Variants in JAKMIP1 observed in about 807,000 individuals in gnomAD.
JAKMIP1 encodes the protein janus kinase and microtubule-interacting protein 1.
Under a neutral mutation model 113.0 loss-of-function variants are expected in JAKMIP1, and 33 were observed. The observed-to-expected ratio is 0.29, with a 90% confidence interval of 0.22 to 0.39. The LOEUF is 0.39. JAKMIP1 is among the 10% of genes least tolerant of loss of function. JAKMIP1 has a pLI of 1.00. For synonymous variants in JAKMIP1, 480 were observed against 459.9 expected (o/e 1.04, Z -0.56); for missense variants, 813 against 1,080.5 (o/e 0.75, Z 3.47).
At chr4:6,128,096 C>A (rs540200975) in intron 1 of JAKMIP1, among the ~76,000 whole-genome samples, 1 of 152,350 alleles carries the variant, frequency 6.6e-6, no homozygotes, top group South Asian at 2.1e-4. Context: ...ACCACCTCCA[C>A]CTGCGGGTGA....
intron 1 of JAKMIP1, among the ~76,000 whole-genome samples, chr4:6,174,193 G>A (rs1383659410): frequency 6.6e-6 from 1 of 152,176 alleles, no homozygotes; most frequent in Non-Finnish European, 1.5e-5. Context: ...ATGATGATGT[G>A]AGGCCTTGAT....
intron 1 of JAKMIP1, among the ~76,000 whole-genome samples, chr4:6,147,716 G>A (rs774688327): frequency 1.3e-5 from 2 of 152,146 alleles, no homozygotes; most frequent in Non-Finnish European, 1.5e-5. Flanking sequence ...TTCTGTCTCC[G>A]CACCTGCCTC....
chr4:6,187,338 T>C lies in JAKMIP1; in HGVS notation c.-148+12915A>G, dbSNP rs765912502. 1.3e-5 allele frequency among the ~76,000 whole-genome samples: 2 copies of C among 152,262 alleles called. No individual in the cohort carries two copies. Among genetic ancestry groups the C allele is most frequent in the Admixed American group, 6.5e-5 (1 of 15,290 alleles). On this transcript the variant is annotated intron_variant, in intron 1 of 20. Transcript: ENST00000409021. This position sits in a 1 kb window ranked among gnomAD's most constrained non-coding sequence, Gnocchi z 4.2. ...TCTTATGGTTGCTATTTACCTGATA[T>C]ATTTTTTCTCATCCTTTCACTTTCA...
At chr4:6,161,921 C>T (rs1217078199) in intron 1 of JAKMIP1, among the ~76,000 whole-genome samples, 1 of 152,150 alleles carries the variant, frequency 6.6e-6, no homozygotes, top group African/African-American at 2.4e-5. Flanking sequence ...CTTGCTGGGA[C>T]ACCTGGGAGG....
intron 3 of JAKMIP1, among the ~76,000 whole-genome samples, chr4:6,098,532 GA>G (rs1712238083): frequency 1.8e-5 from 1 of 54,534 alleles, no homozygotes; most frequent in Non-Finnish European, 4.0e-5. Context: ...GAAAGAGAGA[GA>G]GAGAGAGAAA....
rs186543246 is a variant in JAKMIP1 at position 6,050,807 on chromosome 4, G to A, written c.1807-128C>T. The A allele has an allele frequency of 2.8e-5, 20 of 702,516 alleles. No homozygotes were observed. The highest frequency in any genetic ancestry group is 2.8e-4 in the Admixed American group (11 of 39,392). The allele number at this position is 702,516 out of a possible 1,614,324, so 43.5% of individuals were successfully genotyped here. A position where few individuals can be genotyped will look rare whatever the true frequency, so the allele number is the denominator to read the frequency against. ...AGACGTTACTAAAAAGCACGAGTTCGGACTAGAAGCAGCCTCGTCCGTGAG... is the reference window on the plus strand; with the variant it reads ...AGACGTTACTAAAAAGCACGAGTTCAGACTAGAAGCAGCCTCGTCCGTGAG... On this transcript the variant is annotated intron_variant, in intron 13 of 20. Transcript: ENST00000409021. This position sits in a 1 kb window ranked among gnomAD's most constrained non-coding sequence, Gnocchi z 7.4.
intron 2 of JAKMIP1, among the ~76,000 whole-genome samples, chr4:6,107,755 G>GT (rs1322061965): frequency 2.6e-5 from 4 of 151,204 alleles, no homozygotes; most frequent in African/African-American, 9.9e-5. Flanking sequence ...ACTCTGTGGG[G>GT]GGTGTGTGTG....
At chr4:6,165,741 C>T (rs1444771336) in intron 1 of JAKMIP1, among the ~76,000 whole-genome samples, 2 of 152,122 alleles carry the variant, frequency 1.3e-5, no homozygotes, top group Non-Finnish European at 2.9e-5. Flanking sequence ...CGCTTTATTG[C>T]AATATTTGCT....
intron 3 of JAKMIP1, among the ~76,000 whole-genome samples, chr4:6,091,239 T>TA (rs1426669728): frequency 3.8e-5 from 1 of 26,068 alleles, no homozygotes; most frequent in Admixed American, 6.6e-4. Flanking sequence ...CACAATGAGA[T>TA]ACCTGAATGG....
chr4:6,032,691 ACAAAACAAAG>A (rs1470197897), intron 19 of JAKMIP1, among the ~76,000 whole-genome samples: 2 of 97,914 alleles, frequency 2.0e-5, no homozygotes, highest in South Asian at 2.8e-4. Context: ...ACAAAACAAA[ACAAAACAAAG>A]CAAAACACAG....
chr4:6,123,664 TG>T (rs1189241676), intron 1 of JAKMIP1, among the ~76,000 whole-genome samples: 10 of 151,970 alleles, frequency 6.6e-5, no homozygotes, highest in African/African-American at 2.4e-4. Context: ...TACAAAAAAA[TG>T]TAAAAGTTAG....
At chr4:6,148,936 C>T (rs560286150) in intron 1 of JAKMIP1, among the ~76,000 whole-genome samples, 33 of 152,282 alleles carry the variant, frequency 2.2e-4, no homozygotes, top group Middle Eastern at 3.4e-3. Flanking sequence ...TGTGGTGAGA[C>T]GGGGAGGAGT....
At chr4:6,149,360 A>C (rs1440755709) in intron 1 of JAKMIP1, among the ~76,000 whole-genome samples, 1 of 152,146 alleles carries the variant, frequency 6.6e-6, no homozygotes, top group Non-Finnish European at 1.5e-5. Context: ...AGCGGAGAAG[A>C]ACTGCTTGGC....
chr4:6,029,012 G>A (rs1712231036), intron 20 of JAKMIP1, among the ~76,000 whole-genome samples: 1 of 152,206 alleles, frequency 6.6e-6, no homozygotes, highest in Admixed American at 6.5e-5. Flanking sequence ...AGAAGATGAA[G>A]GGCAATACCA....
intron 18 of JAKMIP1, among the ~76,000 whole-genome samples, chr4:6,036,954 C>T (rs1370332769): frequency 1.5e-5 from 2 of 131,748 alleles, no homozygotes; most frequent in Non-Finnish European, 3.2e-5. Context: ...ACCGGTATCC[C>T]TCCATCACCG....
At chr4:6,079,950 G>A (rs903335975) in intron 7 of JAKMIP1, among the ~76,000 whole-genome samples, 3 of 152,222 alleles carry the variant, frequency 2.0e-5, no homozygotes, top group African/African-American at 7.2e-5. Flanking sequence ...CATGGAAACT[G>A]TCCCCAAGTA....
In JAKMIP1 at chr4:6,179,485, C is replaced by G. The variant is rs1725775093; in HGVS notation, c.-148+20768G>C. Among the ~76,000 whole-genome samples the G allele has an allele frequency of 6.6e-6, 1 of 152,216 alleles. No homozygotes were observed. The highest frequency in any genetic ancestry group is 2.1e-4 in the South Asian group (1 of 4,830). ...TCCTTCCTCTACCTTCCTGACACCC[C>G]CTACAGGCACCGTCAAGGGACAACC... On this transcript the variant is annotated intron_variant, in intron 1 of 20. Transcript: ENST00000409021. The surrounding 1 kb of genome is among the most constrained non-coding windows in gnomAD (Gnocchi z 4.5).
chr4:6,048,769 C>G (rs1033968209), intron 16 of JAKMIP1, 88 bp downstream of exon 16: 1 of 1,128,664 alleles, frequency 8.9e-7, no homozygotes, highest in South Asian at 1.3e-5. Flanking sequence ...CATGCTCCCA[C>G]GCAAAGCAAG....
Position 6,180,916 on chromosome 4 carries a change from AT to A in JAKMIP1, c.-148+19336del, listed in dbSNP as rs1213013778. 2.0e-5 allele frequency among the ~76,000 whole-genome samples: 3 copies of A among 152,002 alleles called. No homozygotes were observed. The highest frequency in any genetic ancestry group is 2.1e-4 in the South Asian group (1 of 4,786). On this transcript the variant is annotated intron_variant, in intron 1 of 20. Transcript: ENST00000409021. The surrounding 1 kb of genome is among the most constrained non-coding windows in gnomAD (Gnocchi z 4.5). ...TGGCTCTTGGCCAACTCATTGCATC[AT>A]TTTGGAATCTCCCCTTTATTAACGT...
Sources: allele counts gnomAD v4.1 joint callset (sites outside exome capture counted in the v4.1 genomes callset), GRCh38; gene constraint gnomAD v4.1.1; non-coding constraint Gnocchi (gnomAD v3.1); transcripts MANE v1.5; gene names NCBI Gene and HGNC (gene_info 2026-07-23, HGNC 2026-07-21).